Variants in FGF14 observed in about 807,000 individuals in gnomAD.
FGF14 encodes the protein fibroblast growth factor homologous factor 4.
In FGF14, 5 loss-of-function variants were observed where a neutral mutation model predicts 25.5. That is an observed-to-expected ratio of 0.20 (90% CI 0.10 to 0.41). The LOEUF (loss-of-function observed/expected upper bound fraction) is 0.41. Among genes scored for constraint, FGF14 ranks in the 10% least tolerant of loss-of-function variants. The pLI is 1.00. For missense variants in FGF14, 222 were observed against 320.1 expected (o/e 0.69, Z 2.34); for synonymous variants, 138 against 118.3 (o/e 1.17, Z -1.08).
chr13:102,229,321 T>C (rs1270353335), intron 1 of FGF14, among the ~76,000 whole-genome samples: 2 of 152,220 alleles, frequency 1.3e-5, no homozygotes, highest in South Asian at 2.1e-4. Context: ...CAGGACTCCA[T>C]GCAGAAAATC....
intron 3 of FGF14, among the ~76,000 whole-genome samples, chr13:101,838,485 A>C (rs1029167216): frequency 1.3e-5 from 2 of 152,034 alleles, no homozygotes; most frequent in African/African-American, 2.4e-5. Flanking sequence ...CAAATATTAA[A>C]ATTTATATTT....
intron 1 of FGF14, among the ~76,000 whole-genome samples, chr13:102,337,844 TTAAC>T (rs897196015): frequency 6.6e-6 from 1 of 152,230 alleles, no homozygotes; most frequent in Non-Finnish European, 1.5e-5. Flanking sequence ...GGCATTTTTT[TTAAC>T]TAATAAAGTA....
At chr13:102,224,436 A>C (rs2050746518) in intron 1 of FGF14, among the ~76,000 whole-genome samples, 1 of 152,142 alleles carries the variant, frequency 6.6e-6, no homozygotes, top group Non-Finnish European at 1.5e-5. Context: ...TAGGGGTGTC[A>C]ACTTTTTGGT....
chr13:102,350,914 T>C (rs933625006), intron 1 of FGF14, among the ~76,000 whole-genome samples: 2 of 152,130 alleles, frequency 1.3e-5, no homozygotes, highest in African/African-American at 4.8e-5. Context: ...TCCAGGTCAT[T>C]CCAACCTAAC....
chr13:102,034,495 C>T (rs1423537663), intron 1 of FGF14, among the ~76,000 whole-genome samples: 1 of 152,134 alleles, frequency 6.6e-6, no homozygotes, highest in Non-Finnish European at 1.5e-5. Context: ...ATCTTCCTCC[C>T]ATCTAATCCT....
intron 3 of FGF14, among the ~76,000 whole-genome samples, chr13:101,831,144 CCCTACCATCCCATA>C (rs1276750421): frequency 6.6e-6 from 1 of 152,002 alleles, no homozygotes; most frequent in South Asian, 2.1e-4. Context: ...ATTTTGCCTA[CCCTACCATCCCATA>C]TGATTTTTTG....
chr13:102,071,094 T>G (rs572875471), intron 1 of FGF14, among the ~76,000 whole-genome samples: 1 of 152,184 alleles, frequency 6.6e-6, no homozygotes, highest in Non-Finnish European at 1.5e-5. Context: ...TCAGCCAAAG[T>G]ACTTTCTCTC....
chr13:102,319,361 C>A (rs1240232634), intron 1 of FGF14, among the ~76,000 whole-genome samples: 2 of 152,186 alleles, frequency 1.3e-5, no homozygotes, highest in Non-Finnish European at 2.9e-5. Context: ...ACCCCCTGCT[C>A]TGCTTAGATA....
At chr13:101,946,687 A>G (rs544014478) in intron 1 of FGF14, among the ~76,000 whole-genome samples, 2 of 152,306 alleles carry the variant, frequency 1.3e-5, no homozygotes, top group South Asian at 4.1e-4. Flanking sequence ...AGGAAAACAG[A>G]TTGTCTCTCA....
At chr13:101,864,166 G>C (rs2044571983) in intron 3 of FGF14, among the ~76,000 whole-genome samples, 1 of 152,118 alleles carries the variant, frequency 6.6e-6, no homozygotes, top group South Asian at 2.1e-4. Flanking sequence ...TAGGAGAGGT[G>C]ATGCCAGCCC....
At chr13:101,856,396 T>C (rs1287836763) in intron 3 of FGF14, among the ~76,000 whole-genome samples, 2 of 151,914 alleles carry the variant, frequency 1.3e-5, no homozygotes, top group Admixed American at 6.6e-5. Context: ...TATTACTATA[T>C]ACCAAGAGGA....
At chr13:102,179,203 T>C (rs1377752117) in intron 1 of FGF14, among the ~76,000 whole-genome samples, 1 of 152,084 alleles carries the variant, frequency 6.6e-6, no homozygotes, top group African/African-American at 2.4e-5. Flanking sequence ...GTGAGTACCA[T>C]GAAAAATCAC....
intron 1 of FGF14, among the ~76,000 whole-genome samples, chr13:102,166,992 C>T (rs111889959): frequency 1.3e-5 from 2 of 151,932 alleles, no homozygotes; most frequent in African/African-American, 2.4e-5. Flanking sequence ...AAGCTGGGCA[C>T]GAAGAGGCTA....
intron 3 of FGF14, among the ~76,000 whole-genome samples, chr13:101,738,451 G>A (rs868817999): frequency 9.9e-5 from 15 of 152,222 alleles, no homozygotes; most frequent in Middle Eastern, 6.8e-3. Context: ...TTTTCTCTTG[G>A]TTTTGCTTTA....
chr13:102,136,607 C>T (rs2046419701), intron 1 of FGF14, among the ~76,000 whole-genome samples: 1 of 147,656 alleles, frequency 6.8e-6, no homozygotes, highest in Admixed American at 6.9e-5. Flanking sequence ...CTAGGATCAA[C>T]ATAGGCAGCA....
intron 3 of FGF14, among the ~76,000 whole-genome samples, chr13:101,743,795 T>C (rs2036711030): frequency 6.6e-6 from 1 of 151,448 alleles, no homozygotes; most frequent in Non-Finnish European, 1.5e-5. Flanking sequence ...AAGATATTCA[T>C]CCATTTTCTT....
intron 1 of FGF14, among the ~76,000 whole-genome samples, chr13:101,946,517 A>ATGGT (rs2139357600): frequency 6.6e-6 from 1 of 152,320 alleles, no homozygotes. Context: ...TGCAGTCCAT[A>ATGGT]TGGTTGATCC....
At chr13:101,912,775 AT>A (rs2033080001) in intron 1 of FGF14, among the ~76,000 whole-genome samples, 1 of 152,264 alleles carries the variant, frequency 6.6e-6, no homozygotes, top group Admixed American at 6.5e-5. Context: ...TTTGAAAAGT[AT>A]TTTTATGTCT....
chr13:102,309,599 T>A (rs890194083), intron 1 of FGF14, among the ~76,000 whole-genome samples: 1 of 152,134 alleles, frequency 6.6e-6, no homozygotes, highest in Non-Finnish European at 1.5e-5. Context: ...AAGAACTGAA[T>A]CATGAAAAAG....
Sources: gnomAD v4.1 joint callset for allele counts (sites outside exome capture counted in the v4.1 genomes callset) on GRCh38, gnomAD v4.1.1 for gene constraint, MANE v1.5 for transcripts, NCBI Gene and HGNC (gene_info 2026-07-23, HGNC 2026-07-21) for gene names.